The following STXBP6 variants were observed in gnomAD, a reference collection of about 807,000 sequenced individuals.
The protein encoded by STXBP6 is syntaxin binding protein 6, also known as syntaxin-binding protein 6.
In STXBP6, 21 loss-of-function variants were observed where a neutral mutation model predicts 26.9. The observed-to-expected ratio is 0.78, with a 90% CI of 0.55 to 1.12. STXBP6 has a LOEUF of 1.12. Ranked by LOEUF, STXBP6 falls within the 50% of genes most tolerant of loss-of-function variation. The pLI is 0.00. For synonymous variants in STXBP6, 97 were observed against 92.6 expected (o/e 1.05, Z -0.27); for missense variants, 232 against 257.9 (o/e 0.90, Z 0.69).
At chr14:25,017,072 A>G (rs1014114619) in intron 1 of STXBP6, among the ~76,000 whole-genome samples, 1 of 152,202 alleles carries the variant, frequency 6.6e-6, no homozygotes, top group East Asian at 1.9e-4. Context: ...TGCCAGGTAT[A>G]AAGTAGTATC....
intron 1 of STXBP6, among the ~76,000 whole-genome samples, chr14:25,040,756 C>T (rs368720245): frequency 1.3e-5 from 2 of 152,134 alleles, no homozygotes; most frequent in African/African-American, 4.8e-5. Context: ...CTCTGGGATA[C>T]AAAAATGAAG....
Position 24,819,194 on chromosome 14 carries a change from C to A in STXBP6, c.452G>T (p.Gly151Val), listed in dbSNP as rs538120087. 1 of 1,613,896 alleles carries A rather than the reference C, an allele frequency of 6.2e-7. No individual in the cohort carries two copies. Among genetic ancestry groups the A allele is most frequent in the Non-Finnish European group, 8.5e-7 (1 of 1,180,018 alleles). ...AGCAGCTGAATGGAGGATGCTGTTT[C>A]CTGAAAGGAGGAGAGCAGGAGCATC... ...FINCQSKIMGGNSILHSAADS... is the reference protein window; with the variant it reads ...FINCQSKIMGVNSILHSAADS... The change falls in exon 5 of 6, where the codon GGA becomes GTA. Residue 151 changes from glycine (G) to valine (V), a missense_variant and splice_region_variant. By Grantham distance (109) the Gly-to-Val change is moderately radical (BLOSUM62 -3). Coordinates refer to ENST00000323944, the MANE Select transcript of STXBP6 (RefSeq NM_001394410.1).
In STXBP6 at chr14:24,813,240, G is replaced by A. The variant is rs1310029331; in HGVS notation, c.610-508C>T. Reference sequence around the variant, plus strand: ...CCACAGCCCTTCACAATTTAATTGTGTTACTGACGAGGGCCAAAACACACC... The same window carrying A: ...CCACAGCCCTTCACAATTTAATTGTATTACTGACGAGGGCCAAAACACACC... On this transcript the variant is annotated intron_variant, in intron 5 of 5. Coordinates refer to ENST00000323944, the MANE Select transcript of STXBP6 (RefSeq NM_001394410.1). Among the ~76,000 whole-genome samples, 6 of 152,122 alleles carry A rather than the reference G, an allele frequency of 3.9e-5. No individual in the cohort carries two copies. In the East Asian group the frequency reaches 1.2e-3, roughly 29 times the overall value.
intron 2 of STXBP6, among the ~76,000 whole-genome samples, chr14:24,901,424 C>T (rs2332448): frequency 0.62 from 93,957 of 151,882 alleles, 29,440 homozygotes; most frequent in South Asian, 0.76. Flanking sequence ...ATTTCAAGCA[C>T]AGTGTAAAAT....
chr14:24,969,891 C>A (rs1278551582), intron 2 of STXBP6, among the ~76,000 whole-genome samples: 2 of 152,132 alleles, frequency 1.3e-5, no homozygotes, highest in African/African-American at 4.8e-5. Flanking sequence ...TTAGGAGGTG[C>A]ATGGAGATAA....
chr14:24,995,777 T>C (rs2074586488), intron 1 of STXBP6, among the ~76,000 whole-genome samples: 1 of 152,172 alleles, frequency 6.6e-6, no homozygotes, highest in Non-Finnish European at 1.5e-5. Flanking sequence ...TAAATACCCT[T>C]GAATGTTTAC....
intron 1 of STXBP6, among the ~76,000 whole-genome samples, chr14:25,032,700 A>C: frequency 6.6e-6 from 1 of 152,224 alleles, no homozygotes; most frequent in East Asian, 1.9e-4. Context: ...CGATCAATGT[A>C]AAATCCTTCA....
intron 2 of STXBP6, among the ~76,000 whole-genome samples, chr14:24,898,406 C>A (rs879715167): frequency 2.0e-5 from 3 of 152,144 alleles, no homozygotes; most frequent in Non-Finnish European, 2.9e-5. Context: ...TGGCTGGGTG[C>A]GGCGGGTCAT....
intron 4 of STXBP6, among the ~76,000 whole-genome samples, chr14:24,840,658 C>T (rs2068757031): frequency 6.6e-6 from 1 of 152,176 alleles, no homozygotes; most frequent in South Asian, 2.1e-4. Context: ...TTCACCTTTA[C>T]TGCATTTGTC....
At chr14:24,892,299 A>G (rs1367814395) in intron 2 of STXBP6, among the ~76,000 whole-genome samples, 1 of 152,062 alleles carries the variant, frequency 6.6e-6, no homozygotes, top group African/African-American at 2.4e-5. Flanking sequence ...AAGAAAGGGG[A>G]GAGAAAGAAA....
intron 2 of STXBP6, among the ~76,000 whole-genome samples, chr14:24,959,821 A>G (rs17109366): frequency 0.31 from 47,120 of 152,150 alleles, 9,066 homozygotes; most frequent in African/African-American, 0.55. Context: ...GGATGAATCC[A>G]TAAATGTCAG....
At chr14:24,877,154 C>T (rs146570178) in intron 2 of STXBP6, among the ~76,000 whole-genome samples, 96 of 152,280 alleles carry the variant, frequency 6.3e-4, no homozygotes, top group Non-Finnish European at 1.1e-3. Context: ...TATTAGAAAT[C>T]TGGTCACTCA....
At chr14:24,828,736 C>G (rs1436822099) in intron 4 of STXBP6, among the ~76,000 whole-genome samples, 1 of 152,170 alleles carries the variant, frequency 6.6e-6, no homozygotes, top group Non-Finnish European at 1.5e-5. Flanking sequence ...CTGTTCAGAT[C>G]AGATTGCATC....
chr14:24,877,578 G>A (rs1014539143), intron 2 of STXBP6, among the ~76,000 whole-genome samples: 6 of 151,280 alleles, frequency 4.0e-5, no homozygotes, highest in African/African-American at 9.7e-5. Context: ...CTCAAGATTC[G>A]TGGAAAAAAT....
intron 2 of STXBP6, among the ~76,000 whole-genome samples, chr14:24,897,427 AGG>A (rs2071036713): frequency 2.2e-5 from 2 of 92,224 alleles, no homozygotes; most frequent in African/African-American, 7.0e-5. Flanking sequence ...AAAAAAAAAA[AGG>A]AAAAAAAAAA....
rs1054432980 is a variant in STXBP6 at position 25,049,637 on chromosome 14, A to G, written c.-33+241T>C. 7 of 985,230 alleles carry G rather than the reference A, an allele frequency of 7.1e-6. No individual in the cohort carries two copies. The African/African-American group carries it at 1.2e-4, about 17-fold the overall frequency. The allele number at this position is 985,230 out of a possible 1,614,324, so 61.0% of individuals were successfully genotyped here. On this transcript the variant is annotated intron_variant, in intron 1 of 5. Coordinates refer to ENST00000323944, the MANE Select transcript of STXBP6 (RefSeq NM_001394410.1). The surrounding 1 kb of genome is among the most constrained non-coding windows in gnomAD (Gnocchi z 5.6). ...CGCACAACGGGTCCCAGGGTTGGAG[A>G]GAACCAGGGACACGAGTCCCTCTCT... is the stretch of plus-strand genomic sequence containing the variant.
chr14:25,001,388 C>A (rs2074757043), intron 1 of STXBP6, among the ~76,000 whole-genome samples: 1 of 152,148 alleles, frequency 6.6e-6, no homozygotes, highest in Non-Finnish European at 1.5e-5. Flanking sequence ...TTTTAAAATT[C>A]ATAACAAATC....
chr14:24,925,497 G>C (rs1487667717), intron 2 of STXBP6, among the ~76,000 whole-genome samples: 1 of 152,130 alleles, frequency 6.6e-6, no homozygotes, highest in Non-Finnish European at 1.5e-5. Flanking sequence ...CAAATAATGT[G>C]GCACTGCAAT....
intron 2 of STXBP6, among the ~76,000 whole-genome samples, chr14:24,880,619 G>A (rs1184011797): frequency 6.6e-6 from 1 of 152,138 alleles, no homozygotes; most frequent in Non-Finnish European, 1.5e-5. Flanking sequence ...TATTGAAAAT[G>A]AAAGGTAAAG....
Sources: gnomAD v4.1 joint callset for allele counts (sites outside exome capture counted in the v4.1 genomes callset) on GRCh38, gnomAD v4.1.1 for gene constraint, Gnocchi (gnomAD v3.1) non-coding constraint, MANE v1.5 for transcripts, NCBI Gene and HGNC (gene_info 2026-07-23, HGNC 2026-07-21) for gene names.